Variants in JMJD1C observed in about 807,000 individuals in gnomAD.
JMJD1C encodes the protein jumonji domain containing 1C, also known as jumonji domain-containing protein 1C.
Under a neutral mutation model 245.3 loss-of-function variants are expected in JMJD1C, and 31 were observed. The ratio of observed to expected loss-of-function variants is 0.13; its 90% CI spans 0.09 to 0.17. JMJD1C has a LOEUF of 0.17. Among genes scored for constraint, JMJD1C ranks in the 10% least tolerant of loss-of-function variants. JMJD1C has a pLI of 1.00. For missense variants in JMJD1C, 2,691 were observed against 3,000.2 expected (o/e 0.90, Z 2.41); for synonymous variants, 1,057 against 1,017.4 (o/e 1.04, Z -0.74).
chr10:63,193,114 G>T lies in JMJD1C; in HGVS notation c.5900C>A (p.Ser1967Tyr), dbSNP rs1414946704. 6.2e-7 allele frequency: 1 copy of T among 1,613,776 alleles called. No individual in the cohort carries two copies. The highest frequency in any genetic ancestry group is 8.5e-7 in the Non-Finnish European group (1 of 1,179,906). The change falls in exon 16 of 26, where the codon TCT becomes TAT. Residue 1967 changes from serine (S) to tyrosine (Y), a missense_variant. Physicochemically the swap from Ser to Tyr is moderately radical, Grantham distance 144. Coordinates refer to ENST00000399262, the MANE Select transcript of JMJD1C (RefSeq NM_032776.3). Reference protein sequence around the residue: ...QNVLNHSNKISLCMPESQQQN... With the variant: ...QNVLNHSNKIYLCMPESQQQN... ...CTGCTGAGACTCAGGCATGCACAGA[G>T]AAATTTTATTACTGTGATTAAGAAC... is the stretch of plus-strand genomic sequence containing the variant.
intron 3 of JMJD1C, among the ~76,000 whole-genome samples, chr10:63,246,922 C>A (rs1372759605): frequency 6.6e-6 from 1 of 151,188 alleles, no homozygotes; most frequent in Non-Finnish European, 1.5e-5. Flanking sequence ...ACAAAATCTA[C>A]GGGATTTGGC....
chr10:63,512,448 G>C (rs1954899199), intron 1 of JMJD1C, among the ~76,000 whole-genome samples: 1 of 152,028 alleles, frequency 6.6e-6, no homozygotes, highest in East Asian at 1.9e-4. Context: ...CTTTGGAAGG[G>C]TAACACAACA....
intron 1 of JMJD1C, chr10:63,427,452 C>T: frequency 8.7e-7 from 1 of 1,151,424 alleles, no homozygotes. Context: ...AACTGCTGTC[C>T]CAGCAACTCC....
At chr10:63,445,713 G>C in intron 1 of JMJD1C, among the ~76,000 whole-genome samples, 1 of 151,962 alleles carries the variant, frequency 6.6e-6, no homozygotes. Flanking sequence ...CTAGTTAGGA[G>C]GCAGTTAGAT....
At position 63,168,537 on chromosome 10, in the gene JMJD1C, T is replaced by A; in HGVS notation, c.7431A>T (p.Val2477=). Residue 2477 remains valine (V), a synonymous_variant, in exon 25 of 26, where the codon GTA becomes GTT. Transcript: ENST00000399262. ...GTTCTGGAGACACAAAATCTTCAGT[T>A]ACCTGAATACAGCTGTGAAAATTCT... ...QVQNFHSCIQ[V]TEDFVSPEHL... 1 of 1,607,694 alleles carries A rather than the reference T, an allele frequency of 6.2e-7. No homozygotes were observed. The highest frequency in any genetic ancestry group is 8.5e-7 in the Non-Finnish European group (1 of 1,177,500).
rs1002492992 is a variant in JMJD1C, at chr10:63,222,621, A to G, written c.448-2638T>C. ...CTTCATTGTCGAAACTCACATGCTG[A>G]ATTTTTGGACATAATTAAAAGAAAT... On this transcript the variant is annotated intron_variant, in intron 3 of 25. Coordinates refer to ENST00000399262, the MANE Select transcript of JMJD1C (RefSeq NM_032776.3). 33 of 1,589,068 alleles carry G rather than the reference A, an allele frequency of 2.1e-5. No homozygotes were observed. In the African/African-American group the frequency reaches 3.5e-4, roughly 17 times the overall value.
Position 63,259,682 on chromosome 10 carries a change from A to G in JMJD1C, c.447+4969T>C, listed in dbSNP as rs547657569. On this transcript the variant is annotated intron_variant, in intron 3 of 25. Coordinates refer to ENST00000399262, the MANE Select transcript of JMJD1C (RefSeq NM_032776.3). Reference sequence around the variant, plus strand: ...TCCAGACACATTCATTTACTAGACAATGTGTGAGTCTTCTCTGGTTAAGTC... The same window carrying G: ...TCCAGACACATTCATTTACTAGACAGTGTGTGAGTCTTCTCTGGTTAAGTC... 1.2e-4 allele frequency among the ~76,000 whole-genome samples: 18 copies of G among 152,328 alleles called. No homozygotes were observed. The South Asian group carries it at 3.7e-3, about 32-fold the overall frequency.
At chr10:63,498,251 A>C (rs1589830345) in intron 1 of JMJD1C, among the ~76,000 whole-genome samples, 1 of 152,194 alleles carries the variant, frequency 6.6e-6, no homozygotes, top group Non-Finnish European at 1.5e-5. Flanking sequence ...CTGCATAAGA[A>C]GATGAATTAT....
intron 2 of JMJD1C, among the ~76,000 whole-genome samples, chr10:63,320,524 T>C (rs1300015956): frequency 2.0e-5 from 3 of 152,176 alleles, no homozygotes; most frequent in Admixed American, 1.3e-4. Flanking sequence ...ATACCTAAGG[T>C]GGAATATTCC....
At chr10:63,392,710 A>T (rs1948149302) in intron 1 of JMJD1C, among the ~76,000 whole-genome samples, 1 of 151,354 alleles carries the variant, frequency 6.6e-6, no homozygotes, top group Non-Finnish European at 1.5e-5. Flanking sequence ...CTGTAATCCC[A>T]GCTACTCGGG....
chr10:63,224,373 T>C (rs549052602), intron 3 of JMJD1C, among the ~76,000 whole-genome samples: 2 of 152,312 alleles, frequency 1.3e-5, no homozygotes, highest in Non-Finnish European at 2.9e-5. Flanking sequence ...GAGTGCTGAA[T>C]GATGTGAACT....
intron 3 of JMJD1C, among the ~76,000 whole-genome samples, chr10:63,250,912 T>C (rs10995477): frequency 0.43 from 64,647 of 151,924 alleles, 14,395 homozygotes; most frequent in South Asian, 0.53. Context: ...GGCTAAATTT[T>C]TATTTTTATT....
intron 3 of JMJD1C, among the ~76,000 whole-genome samples, chr10:63,260,467 C>T (rs915253926): frequency 2.6e-5 from 4 of 151,878 alleles, no homozygotes; most frequent in African/African-American, 9.7e-5. Flanking sequence ...ATTTCATTAT[C>T]AAAATTTTTA....
At chr10:63,493,034 A>G (rs1954224267) in intron 1 of JMJD1C, among the ~76,000 whole-genome samples, 1 of 152,132 alleles carries the variant, frequency 6.6e-6, no homozygotes, top group South Asian at 2.1e-4. Context: ...ATGATTTTCA[A>G]TTGCCTGAAT....
chr10:63,295,959 A>G lies in JMJD1C; in HGVS notation c.334-31195T>C, dbSNP rs9415686. Among the ~76,000 whole-genome samples the G allele has an allele frequency of 3.3e-3, 296 of 89,818 alleles. 5 individuals are homozygous for G. Among genetic ancestry groups the G allele is most frequent in the African/African-American group, 8.7e-3 (199 of 22,758 alleles). The allele number at this position is 89,818 out of a possible 152,430, so 58.9% of individuals were successfully genotyped here. A position where few individuals can be genotyped will look rare whatever the true frequency, so the allele number is the denominator to read the frequency against. On this transcript the variant is annotated intron_variant, in intron 2 of 25. Transcript: ENST00000399262. ...TATACATATATATATATACACGTAT[A>G]TGTGTGTGTGTGTGTGTGTGTGTGT... is the stretch of plus-strand genomic sequence containing the variant.
At chr10:63,470,265 T>C (rs1371214270), upstream of JMJD1C, among the ~76,000 whole-genome samples, 1 of 150,252 alleles carries the variant, frequency 6.7e-6, no homozygotes, top group East Asian at 1.9e-4. Flanking sequence ...AAACATGTTA[T>C]AGCATGAATG....
intron 1 of JMJD1C, among the ~76,000 whole-genome samples, chr10:63,511,529 C>A: frequency 6.6e-6 from 1 of 152,066 alleles, no homozygotes; most frequent in Non-Finnish European, 1.5e-5. Flanking sequence ...GGCCAACATG[C>A]TGAAATCCCG....
chr10:63,279,675 G>A (rs1403220849), intron 2 of JMJD1C, among the ~76,000 whole-genome samples: 6 of 152,142 alleles, frequency 3.9e-5, no homozygotes, highest in Admixed American at 3.9e-4. Context: ...AGGAGCACTT[G>A]AGCCCACGAA....
chr10:63,268,744 AT>A (rs757155018), intron 2 of JMJD1C: 15 of 985,254 alleles, frequency 1.5e-5, no homozygotes, highest in Non-Finnish European at 1.8e-5. Flanking sequence ...ATTTGCTGAA[AT>A]TTCTATTTTG....
Sources: gnomAD v4.1 joint callset for allele counts (sites outside exome capture counted in the v4.1 genomes callset) on GRCh38, gnomAD v4.1.1 for gene constraint, MANE v1.5 for transcripts, NCBI Gene and HGNC (gene_info 2026-07-23, HGNC 2026-07-21) for gene names.